BCAR3: variants seen among roughly 807,000 people sequenced by gnomAD.
The protein encoded by BCAR3 is BCAR3 adaptor protein, NSP family member.
A neutral mutation model predicts 80.1 loss-of-function variants in BCAR3; 37 were observed. That is an observed-to-expected ratio of 0.46 (90% CI 0.36 to 0.61). The LOEUF (loss-of-function observed/expected upper bound fraction) is 0.61. Ranked by LOEUF, BCAR3 falls within the 20% of genes least tolerant of loss-of-function variation. The probability of loss-of-function intolerance (pLI) is 0.00; values close to 1 mark genes in which losing one functional copy is unlikely to be tolerated. For missense variants in BCAR3, 978 were observed against 1,068.2 expected, an observed-to-expected ratio of 0.92 and a Z score of 1.18; for synonymous variants, 389 against 418.9, an observed-to-expected ratio of 0.93 and a Z score of 0.87.
At chr1:93,591,407 A>T (rs1053891868) in intron 4 of BCAR3, among the ~76,000 whole-genome samples, 24 of 152,012 alleles carry the variant, frequency 1.6e-4, no homozygotes, top group Admixed American at 5.9e-4. Flanking sequence ...CCCAGGAGGT[A>T]GAGGTTGCAG....
chr1:93,800,078 G>A (rs1653422598), intron 2 of BCAR3, among the ~76,000 whole-genome samples: 1 of 152,156 alleles, frequency 6.6e-6, no homozygotes, highest in Non-Finnish European at 1.5e-5. Context: ...ACAAGGACTG[G>A]TGGAAGAGAT....
At chr1:93,645,224 C>T (rs142139289) in intron 2 of BCAR3, among the ~76,000 whole-genome samples, 1,555 of 152,056 alleles carry the variant, frequency 0.01, 29 homozygotes, top group African/African-American at 0.036. Context: ...GGACACATAT[C>T]CATCCACCAC....
chr1:93,573,399 A>AAAT (rs57300757), intron 8 of BCAR3, among the ~76,000 whole-genome samples: 88,541 of 150,452 alleles, frequency 0.59, 29,011 homozygotes, highest in Non-Finnish European at 0.74. Flanking sequence ...CTCAAAACAA[A>AAAT]AATAATAATA....
chr1:93,833,605 C>A (rs755573171), intron 2 of BCAR3, among the ~76,000 whole-genome samples: 1 of 152,154 alleles, frequency 6.6e-6, no homozygotes, highest in Non-Finnish European at 1.5e-5. Context: ...CTGTTCCTTG[C>A]TGAGAAAAAG....
chr1:93,711,834 T>C (rs1207986073), intron 2 of BCAR3, among the ~76,000 whole-genome samples: 2 of 152,218 alleles, frequency 1.3e-5, no homozygotes, highest in East Asian at 3.8e-4. Context: ...TCCTGTCTTA[T>C]TCATGTTTGT....
At chr1:93,799,059 G>A (rs1034130529) in intron 2 of BCAR3, among the ~76,000 whole-genome samples, 1 of 152,218 alleles carries the variant, frequency 6.6e-6, no homozygotes, top group African/African-American at 2.4e-5. Flanking sequence ...TCTGCAGAAT[G>A]AAGTACATAT....
intron 2 of BCAR3, among the ~76,000 whole-genome samples, chr1:93,757,943 A>G (rs1466087213): frequency 2.0e-5 from 3 of 152,190 alleles, no homozygotes; most frequent in Non-Finnish European, 4.4e-5. Context: ...GTAGTGCAAA[A>G]TCGTACTAGA....
intron 2 of BCAR3, among the ~76,000 whole-genome samples, chr1:93,643,086 G>A (rs962251282): frequency 1.3e-5 from 2 of 151,272 alleles, no homozygotes; most frequent in African/African-American, 4.9e-5. Flanking sequence ...AATTAGCTGG[G>A]TGTGGTGGCG....
At chr1:93,762,879 A>T (rs538406412) in intron 2 of BCAR3, among the ~76,000 whole-genome samples, 51 of 151,814 alleles carry the variant, frequency 3.4e-4, no homozygotes, top group African/African-American at 1.2e-3. Flanking sequence ...AGCTCCTTCA[A>T]ATCTCCTCTC....
intron 3 of BCAR3, among the ~76,000 whole-genome samples, chr1:93,621,236 T>C (rs529619753): frequency 2.6e-5 from 4 of 152,242 alleles, no homozygotes; most frequent in South Asian, 2.1e-4. Context: ...AAGCTGATCA[T>C]GGGCATTACC....
intron 1 of BCAR3, among the ~76,000 whole-genome samples, chr1:93,675,940 A>C (rs964257590): frequency 6.7e-6 from 1 of 149,620 alleles, no homozygotes; most frequent in African/African-American, 2.5e-5. Context: ...AAAAAAAAAA[A>C]AAAAAAAAAA....
intron 3 of BCAR3, among the ~76,000 whole-genome samples, chr1:93,629,151 C>T (rs756057552): frequency 1.2e-4 from 18 of 152,128 alleles, no homozygotes; most frequent in Non-Finnish European, 2.2e-4. Context: ...ATCTTCTTCT[C>T]GGAATCTCTT....
chr1:93,775,748 A>G (rs966762277), intron 2 of BCAR3, among the ~76,000 whole-genome samples: 2 of 152,142 alleles, frequency 1.3e-5, no homozygotes, highest in Non-Finnish European at 2.9e-5. Context: ...TGCTGGGTGG[A>G]AAAAAAGCGA....
chr1:93,571,925 T>A, intron 8 of BCAR3, 84 bp from the exon 9 acceptor site: 1 of 1,454,904 alleles, frequency 6.9e-7, no homozygotes, highest in Non-Finnish European at 9.3e-7. Context: ...AGCAGGGCTG[T>A]TTTTGTGCCA....
intron 7 of BCAR3, 65 bp from the exon 8 acceptor site, chr1:93,576,194 CAT>C: frequency 8.0e-7 from 1 of 1,246,854 alleles, no homozygotes; most frequent in Non-Finnish European, 1.2e-6. Flanking sequence ...ATGAATTCAG[CAT>C]ATGAGAAGAA....
At chr1:93,568,888 T>C (rs977436478) in intron 9 of BCAR3, among the ~76,000 whole-genome samples, 1 of 152,192 alleles carries the variant, frequency 6.6e-6, no homozygotes, top group African/African-American at 2.4e-5. Context: ...AGTGGTGCGA[T>C]CACAGCTCAC....
chr1:93,678,124 A>G (rs996134726), intron 1 of BCAR3, among the ~76,000 whole-genome samples: 2 of 152,216 alleles, frequency 1.3e-5, no homozygotes, highest in Non-Finnish European at 2.9e-5. Flanking sequence ...CTGATGCCCA[A>G]GCCTCAGCCC....
chr1:93,730,175 TG>T (rs1384897114), intron 2 of BCAR3, among the ~76,000 whole-genome samples: 1 of 152,188 alleles, frequency 6.6e-6, no homozygotes, highest in African/African-American at 2.4e-5. Context: ...TATTCTCGCC[TG>T]GTGAGCTTTT....
intron 9 of BCAR3, among the ~76,000 whole-genome samples, chr1:93,570,050 A>T (rs981216621): frequency 6.6e-6 from 1 of 152,228 alleles, no homozygotes; most frequent in Non-Finnish European, 1.5e-5. Flanking sequence ...GGCAGAACTT[A>T]TGGGCTGCTT....
Sources: gnomAD v4.1 joint callset for allele counts (sites outside exome capture counted in the v4.1 genomes callset) on GRCh38, gnomAD v4.1.1 for gene constraint, MANE v1.5 for transcripts, NCBI Gene and HGNC (gene_info 2026-07-23, HGNC 2026-07-21) for gene names.